Variants in PAEP observed in about 807,000 individuals in gnomAD.
PAEP encodes the protein glycodelin.
PAEP carries 28 observed loss-of-function variants against 23.0 expected under a neutral mutation model. That is an observed-to-expected ratio of 1.22 (90% CI 0.90 to 1.67). PAEP has a LOEUF of 1.67. PAEP is among the 40% of genes most tolerant of loss of function. PAEP has a pLI of 0.00. For missense variants in PAEP, 209 were observed against 226.4 expected, an observed-to-expected ratio of 0.92 and a Z score of 0.49; for synonymous variants, 103 against 92.4, an observed-to-expected ratio of 1.12 and a Z score of -0.66.
At chr9:135,562,148 A>T in intron 1 of PAEP, 146 bp from the exon 2 acceptor site, 1 of 981,506 alleles carries the variant, frequency 1.0e-6, no homozygotes, top group Non-Finnish European at 1.5e-6. Context: ...TAAGTACAGG[A>T]AATTTCATAG....
intron 2 of PAEP, 32 bp downstream of exon 2, chr9:135,562,465 G>GAGACTGAGA: frequency 6.2e-7 from 1 of 1,605,028 alleles, no homozygotes; most frequent in East Asian, 2.2e-5. Flanking sequence ...CGGGCTGGGC[G>GAGACTGAGA]GGGGCTCAGT....
rs937599645 is a variant in PAEP, at chr9:135,564,927, G to A, written c.422-483G>A. The stretch of plus-strand genomic sequence containing the variant: ...GTGGATAGATTAATACTCACTGGGC[G>A]TCCAGTCAAAACGCCCTGAAACCTA... On this transcript the variant is annotated intron_variant, in intron 4 of 6. Transcript: ENST00000479141. 74 of 965,110 alleles carry A rather than the reference G, an allele frequency of 7.7e-5. 1 individual carries two copies. The African/African-American group carries it at 8.4e-4, about 11-fold the overall frequency. The allele number at this position is 965,110 out of a possible 1,614,324, so 59.8% of individuals were successfully genotyped here.
intron 3 of PAEP, 30 bp downstream of exon 3, chr9:135,562,923 T>C (rs996894383): frequency 1.3e-6 from 2 of 1,559,686 alleles, no homozygotes; most frequent in Non-Finnish European, 1.8e-6. Context: ...AAGGGCTGGC[T>C]CAGTGCTGGC....
At chr9:135,565,094 C>G (rs113870038) in intron 4 of PAEP, among the ~76,000 whole-genome samples, 1 of 152,186 alleles carries the variant, frequency 6.6e-6, no homozygotes, top group Non-Finnish European at 1.5e-5. Flanking sequence ...TGGTGAGAGC[C>G]GGGCACTGGG....
chr9:135,563,283 CAGGTGGGT>C (rs1832403097), intron 3 of PAEP, among the ~76,000 whole-genome samples: 1 of 143,394 alleles, frequency 7.0e-6, no homozygotes, highest in Admixed American at 6.9e-5. Flanking sequence ...GGTAGGTGAA[CAGGTGGGT>C]AGGTGGGCAG....
At chr9:135,565,725 C>G (rs1832550668) in intron 5 of PAEP, 60 bp from the exon 6 acceptor site, 2 of 1,594,720 alleles carry the variant, frequency 1.3e-6, no homozygotes, top group African/African-American at 1.3e-5. Context: ...CCTGGGGCTG[C>G]TGTGTCCCCA....
intron 4 of PAEP, 148 bp downstream of exon 4, chr9:135,564,502 G>T: frequency 6.9e-7 from 1 of 1,457,942 alleles, no homozygotes; most frequent in Admixed American, 2.8e-5. Context: ...TTATTTGTTT[G>T]TTGTTTGCTT....
Position 135,561,876 on chromosome 9 carries a change from G to A in PAEP, c.75G>A (p.Lys25=), listed in dbSNP as rs1832312514. 2 of 1,566,360 alleles carry A rather than the reference G, an allele frequency of 1.3e-6. No homozygotes were observed. Among genetic ancestry groups the A allele is most frequent in the African/African-American group, 1.4e-5 (1 of 73,850 alleles). ...CGGCCATGGACATCCCCCAGACCAA[G>A]CAGGACCTGGAGCTCCCAAAGGTTT... The part of the protein sequence containing the change: ...GVPAMDIPQT[K]QDLELPKLAG... Residue 25 remains lysine (K), a synonymous_variant, in exon 1 of 7, where the codon AAG becomes AAA. Coordinates refer to ENST00000479141, the MANE Select transcript of PAEP (RefSeq NM_002571.4).
In PAEP at chr9:135,562,289, C is replaced by G; in HGVS notation, c.97-5C>G. 1.9e-6 allele frequency: 3 copies of G among 1,613,270 alleles called. No homozygotes were observed. The highest frequency in any genetic ancestry group is 1.7e-6 in the Non-Finnish European group (2 of 1,179,680). On this transcript the variant is annotated splice_region_variant and splice_polypyrimidine_tract_variant and intron_variant, in intron 1 of 6. Transcript: ENST00000479141. ...GGACCGCCGTGCAGCCCAAGGCCCC[C>G]TCAGTTGGCAGGGACCTGGCACTCC...
At chr9:135,565,908 G>A (rs1832559637) in intron 6 of PAEP, 107 bp downstream of exon 6, 1 of 1,253,796 alleles carries the variant, frequency 8.0e-7, no homozygotes, top group African/African-American at 1.5e-5. Context: ...TCCAGTTCAG[G>A]GCTGACCCTA....
chr9:135,564,796 G>A lies in PAEP; in HGVS notation c.421+442G>A, dbSNP rs1481855367. On this transcript the variant is annotated intron_variant, in intron 4 of 6. Transcript: ENST00000479141. ...TGGGATTACAGGCGTGAGCCACCAC[G>A]CCCGGCCAGGCTGAGTTTTTCTCCA... The A allele has an allele frequency of 2.3e-5, 23 of 985,268 alleles. No homozygotes were observed. The South Asian group carries it at 2.3e-4, about 10-fold the overall frequency. The allele number at this position is 985,268 out of a possible 1,614,324, so 61.0% of individuals were successfully genotyped here.
intron 6 of PAEP, 82 bp downstream of exon 6, chr9:135,565,883 A>T: frequency 6.9e-7 from 1 of 1,440,908 alleles, no homozygotes; most frequent in South Asian, 1.1e-5. Flanking sequence ...GGCCCCTGGG[A>T]CAGACCCTAC....
chr9:135,564,429 C>T (rs1195156993), intron 4 of PAEP, 75 bp downstream of exon 4: 2 of 1,525,682 alleles, frequency 1.3e-6, no homozygotes, highest in East Asian at 5.0e-5. Context: ...CCCTGGGGAG[C>T]TGACAACTGG....
chr9:135,566,121 T>C, intron 6 of PAEP: 1 of 362,398 alleles, frequency 2.8e-6, no homozygotes, highest in Non-Finnish European at 5.0e-6. Context: ...GATGGTTACA[T>C]GGAAGGGCAT....
chr9:135,563,130 C>T (rs940560794), intron 3 of PAEP, among the ~76,000 whole-genome samples: 3 of 152,276 alleles, frequency 2.0e-5, no homozygotes, highest in Non-Finnish European at 4.4e-5. Flanking sequence ...TGGGTCTGCA[C>T]TGTGCCCAGG....
chr9:135,562,477 T>G (rs368691065), intron 2 of PAEP, 44 bp downstream of exon 2: 7 of 1,597,912 alleles, frequency 4.4e-6, no homozygotes, highest in Non-Finnish European at 5.1e-6. Context: ...GGGCTCAGTC[T>G]CCCCCCTCAG....
chr9:135,564,785 TG>T, intron 4 of PAEP: 1 of 985,322 alleles, frequency 1.0e-6, no homozygotes, highest in South Asian at 4.7e-5. Flanking sequence ...ATTACAGGCG[TG>T]AGCCACCACG....
chr9:135,563,254 GTATA>G (rs1832400306), intron 3 of PAEP, among the ~76,000 whole-genome samples: 1 of 151,138 alleles, frequency 6.6e-6, no homozygotes, highest in East Asian at 2.0e-4. Flanking sequence ...AGGTGGATAT[GTATA>G]CAGGTGGGCA....
In PAEP at chr9:135,561,877, C is replaced by T. The variant is rs1381521483; in HGVS notation, c.76C>T (p.Gln26Ter). The T allele has an allele frequency of 6.4e-7, 1 of 1,566,390 alleles. No homozygotes were observed. Among genetic ancestry groups the T allele is most frequent in the Non-Finnish European group, 8.7e-7 (1 of 1,154,770 alleles). ...VPAMDIPQTK[Q>*]DLELPKLAGT... The stretch of plus-strand genomic sequence containing the variant: ...GGCCATGGACATCCCCCAGACCAAG[C>T]AGGACCTGGAGCTCCCAAAGGTTTG... The change falls in exon 1 of 7, where the codon CAG becomes TAG. Residue 26 changes from glutamine (Q) to a stop codon, truncating the protein, a stop_gained. Transcript: ENST00000479141. LOFTEE classifies it high-confidence loss of function.
Sources: allele counts gnomAD v4.1 joint callset (sites outside exome capture counted in the v4.1 genomes callset), GRCh38; gene constraint gnomAD v4.1.1; transcripts MANE v1.5; gene names NCBI Gene and HGNC (gene_info 2026-07-23, HGNC 2026-07-21).